Variants in VAV3 observed in about 807,000 individuals in gnomAD.
VAV3 encodes vav guanine nucleotide exchange factor 3.
A neutral mutation model predicts 131.2 loss-of-function variants in VAV3; 94 were observed. That is an observed-to-expected ratio of 0.72 (90% CI 0.61 to 0.85). VAV3 has a LOEUF of 0.85. Ranked by LOEUF, VAV3 falls within the 40% of genes least tolerant of loss-of-function variation. The pLI is 0.00. For missense variants in VAV3, 939 were observed against 1,002.7 expected, an observed-to-expected ratio of 0.94 and a Z score of 0.86; for synonymous variants, 349 against 342.0, an observed-to-expected ratio of 1.02 and a Z score of -0.22.
chr1:107,751,108 T>G lies in VAV3; in HGVS notation c.1259+9A>C. The G allele has an allele frequency of 6.2e-7, 1 of 1,606,392 alleles. No homozygotes were observed. Among genetic ancestry groups the G allele is most frequent in the Non-Finnish European group, 8.5e-7 (1 of 1,177,344 alleles). On this transcript the variant is annotated intron_variant, in intron 13 of 26. Coordinates refer to ENST00000370056, the MANE Select transcript of VAV3 (RefSeq NM_006113.5). Reference sequence around the variant, plus strand: ...ACTTATTTTGAAAATAGTATTCTTCTTTTCTTACCTTTCTTGTTTGGTATG... The same window carrying G: ...ACTTATTTTGAAAATAGTATTCTTCGTTTCTTACCTTTCTTGTTTGGTATG...
chr1:107,732,372 G>T (rs951722279), intron 15 of VAV3, among the ~76,000 whole-genome samples: 5 of 152,112 alleles, frequency 3.3e-5, no homozygotes, highest in African/African-American at 7.2e-5. Context: ...TGGACAGTGG[G>T]TGCGGCCACA....
chr1:107,699,733 C>CT (rs2101823818), intron 17 of VAV3, among the ~76,000 whole-genome samples: 1 of 152,188 alleles, frequency 6.6e-6, no homozygotes, highest in South Asian at 2.1e-4. Context: ...GATTCTTTCT[C>CT]TCTCTTTTTT....
intron 14 of VAV3, 81 bp from the exon 15 acceptor site, chr1:107,749,158 A>G: frequency 2.9e-6 from 3 of 1,044,496 alleles, no homozygotes; most frequent in Non-Finnish European, 4.2e-6. Flanking sequence ...ACAACTATCC[A>G]AAAACTCCTC....
In VAV3 at chr1:107,835,474, G is replaced by C. The variant is rs191274030; in HGVS notation, c.321+39427C>G. Among the ~76,000 whole-genome samples, 584 of 152,220 alleles carry C rather than the reference G, an allele frequency of 3.8e-3. 2 individuals are homozygous for C. Among genetic ancestry groups the C allele is most frequent in the Middle Eastern group, 0.017 (5 of 294 alleles). ...AGAAGAGTGAGATGTGCGGTTTGTG[G>C]GCCAGTGTGAGAGCTGGGCATGCCT... On this transcript the variant is annotated intron_variant, in intron 2 of 26. Coordinates refer to ENST00000370056, the MANE Select transcript of VAV3 (RefSeq NM_006113.5).
chr1:107,643,607 T>C (rs1570671692), intron 19 of VAV3, among the ~76,000 whole-genome samples: 1 of 152,274 alleles, frequency 6.6e-6, no homozygotes, highest in South Asian at 2.1e-4. Context: ...GAAGCCTTTA[T>C]TAAGCTTCAG....
At chr1:107,704,472 G>T in intron 17 of VAV3, 78 bp downstream of exon 17, 1 of 1,070,046 alleles carries the variant, frequency 9.3e-7, no homozygotes. Context: ...CATATTCAGA[G>T]TAAATTAGGC....
intron 1 of VAV3, among the ~76,000 whole-genome samples, chr1:107,944,253 G>A (rs1214870811): frequency 6.6e-6 from 1 of 152,212 alleles, no homozygotes; most frequent in Non-Finnish European, 1.5e-5. Context: ...CATGTGGTAA[G>A]CCTCTCCCTT....
chr1:107,750,499 A>G (rs1377972167), intron 13 of VAV3, among the ~76,000 whole-genome samples: 2 of 152,152 alleles, frequency 1.3e-5, no homozygotes, highest in African/African-American at 4.8e-5. Flanking sequence ...TTTAACGTCT[A>G]TTTCTCCCAG....
At chr1:107,582,997 C>T (rs1430708300) in intron 25 of VAV3, among the ~76,000 whole-genome samples, 1 of 152,206 alleles carries the variant, frequency 6.6e-6, no homozygotes, top group East Asian at 1.9e-4. Flanking sequence ...CACTGACTTC[C>T]ACAATGGTTG....
rs569887788 is a variant in VAV3 at position 107,574,328 on chromosome 1, C to T, written c.2351-130G>A. On this transcript the variant is annotated intron_variant, in intron 25 of 26. Transcript: ENST00000370056. ...TTTCATTACAGACCAGCGATAATGG[C>T]AGAGGAGCTTGAAAGCAGCAGAATT... 13 of 1,130,408 alleles carry T rather than the reference C, an allele frequency of 1.2e-5. No homozygotes were observed. The Admixed American group carries it at 3.0e-4, about 26-fold the overall frequency. The allele number at this position is 1,130,408 out of a possible 1,614,324, so 70.0% of individuals were successfully genotyped here.
rs368656345 is a variant in VAV3 at position 107,698,756 on chromosome 1, T to A, written c.1705+5794A>T. Among the ~76,000 whole-genome samples, 7 of 152,230 alleles carry A rather than the reference T, an allele frequency of 4.6e-5. No individual in the cohort carries two copies. The South Asian group carries it at 1.2e-3, about 27-fold the overall frequency. On this transcript the variant is annotated intron_variant, in intron 17 of 26. Transcript: ENST00000370056. ...GGTTTAATTGACTCCCAGTTTAACA[T>A]GGATGGGGAGGCCTCAGGAAACTTA...
At chr1:107,598,129 G>A (rs1029421995) in intron 24 of VAV3, among the ~76,000 whole-genome samples, 4 of 152,054 alleles carry the variant, frequency 2.6e-5, no homozygotes, top group East Asian at 1.9e-4. Context: ...TGAGGCAGGC[G>A]GATCACCTGA....
intron 1 of VAV3, among the ~76,000 whole-genome samples, chr1:107,902,471 G>T (rs1004260365): frequency 6.6e-6 from 1 of 151,908 alleles, no homozygotes; most frequent in African/African-American, 2.4e-5. Flanking sequence ...TCTATTTTTG[G>T]TACCATCCCC....
chr1:107,728,801 T>C (rs1294675943), intron 15 of VAV3, among the ~76,000 whole-genome samples: 1 of 152,012 alleles, frequency 6.6e-6, no homozygotes, highest in Non-Finnish European at 1.5e-5. Flanking sequence ...CAAGAAACAA[T>C]AATGCAAGCC....
intron 2 of VAV3, among the ~76,000 whole-genome samples, chr1:107,830,413 A>T (rs1384608403): frequency 6.6e-6 from 1 of 151,844 alleles, no homozygotes; most frequent in African/African-American, 2.4e-5. Context: ...ACTATTGTGG[A>T]GTCCTGATAA....
intron 19 of VAV3, among the ~76,000 whole-genome samples, chr1:107,671,862 TATTGTGACATGCTTTGC>T (rs1351740667): frequency 6.6e-6 from 1 of 152,238 alleles, no homozygotes; most frequent in African/African-American, 2.4e-5. Flanking sequence ...ACAGAACATG[TATTGTGACATGCTTTGC>T]ACAAGATAAC....
chr1:107,905,898 A>T (rs181174629), intron 1 of VAV3, among the ~76,000 whole-genome samples: 114 of 152,320 alleles, frequency 7.5e-4, no homozygotes, highest in Non-Finnish European at 5.7e-4. Flanking sequence ...AAAGTCAAGC[A>T]GGACTGCCCA....
intron 25 of VAV3, among the ~76,000 whole-genome samples, chr1:107,585,752 A>T (rs1650431458): frequency 6.6e-6 from 1 of 152,150 alleles, no homozygotes; most frequent in Non-Finnish European, 1.5e-5. Flanking sequence ...TGGGAACAAC[A>T]CACAATCAGA....
At position 107,821,827 on chromosome 1, in the gene VAV3, G is replaced by A. The variant is rs375774714; in HGVS notation, c.322-42335C>T. ...CGAAATGCAGGTTTCCTCACTCTCCGCTTGCAGAGTCCAATTAACAAGAGC... is the reference window on the plus strand; with the variant it reads ...CGAAATGCAGGTTTCCTCACTCTCCACTTGCAGAGTCCAATTAACAAGAGC... On this transcript the variant is annotated intron_variant, in intron 2 of 26. Coordinates refer to ENST00000370056, the MANE Select transcript of VAV3 (RefSeq NM_006113.5). Among the ~76,000 whole-genome samples, 20 of 152,296 alleles carry A rather than the reference G, an allele frequency of 1.3e-4. No homozygotes were observed. The East Asian group carries it at 2.5e-3, about 19-fold the overall frequency.
Sources: gnomAD v4.1 joint callset for allele counts (sites outside exome capture counted in the v4.1 genomes callset) on GRCh38, gnomAD v4.1.1 for gene constraint, MANE v1.5 for transcripts, NCBI Gene and HGNC (gene_info 2026-07-23, HGNC 2026-07-21) for gene names.